Variants in RERE observed in about 807,000 individuals in gnomAD.
The protein encoded by RERE is arginine-glutamic acid dipeptide repeats protein.
A neutral mutation model predicts 146.1 loss-of-function variants in RERE; 40 were observed. The ratio of observed to expected loss-of-function variants is 0.27; its 90% CI spans 0.21 to 0.36. RERE has a LOEUF of 0.36. Among genes scored for constraint, RERE ranks in the 10% least tolerant of loss-of-function variants. The probability of loss-of-function intolerance (pLI) is 1.00; values close to 1 mark genes in which losing one functional copy is unlikely to be tolerated. For missense variants in RERE, 1,933 were observed against 2,138.7 expected, an observed-to-expected ratio of 0.90 and a Z score of 1.90; for synonymous variants, 1,003 against 866.0, an observed-to-expected ratio of 1.16 and a Z score of -2.78.
intron 4 of RERE, among the ~76,000 whole-genome samples, chr1:8,598,861 C>A (rs966442652): frequency 6.6e-6 from 1 of 152,224 alleles, no homozygotes; most frequent in Non-Finnish European, 1.5e-5. Context: ...ACCAAAAAAT[C>A]TTTCATGAAC....
At chr1:8,727,629 G>A (rs970620439) in intron 1 of RERE, among the ~76,000 whole-genome samples, 4 of 152,148 alleles carry the variant, frequency 2.6e-5, no homozygotes, top group Admixed American at 2.0e-4. Flanking sequence ...AAGTAACTGG[G>A]ACTACAGGCA....
At chr1:8,421,682 T>TA (rs1432980468) in intron 12 of RERE, among the ~76,000 whole-genome samples, 1 of 152,148 alleles carries the variant, frequency 6.6e-6, no homozygotes, top group Non-Finnish European at 1.5e-5. Context: ...AAGACAGAAT[T>TA]AAACAAGAGG....
intron 6 of RERE, among the ~76,000 whole-genome samples, chr1:8,548,613 A>G (rs1482611286): frequency 6.6e-6 from 1 of 152,228 alleles, no homozygotes; most frequent in Non-Finnish European, 1.5e-5. Flanking sequence ...AACAAAAACA[A>G]GTAAGTATAT....
In RERE at chr1:8,584,386, A is replaced by C. The variant is rs927173878; in HGVS notation, c.523-26863T>G. 8.9e-4 allele frequency among the ~76,000 whole-genome samples: 135 copies of C among 152,216 alleles called. 1 individual carries two copies. The highest frequency in any genetic ancestry group is 3.2e-3 in the African/African-American group (132 of 41,520). On this transcript the variant is annotated intron_variant, in intron 4 of 22. Transcript: ENST00000400908. ...AGAGCAAGACCCTATCTCAACGAAA[A>C]ATAAAAAAAAATTATCTGGGCATGA... is the stretch of plus-strand genomic sequence containing the variant.
intron 4 of RERE, among the ~76,000 whole-genome samples, chr1:8,574,438 G>A (rs532228122): frequency 6.2e-4 from 87 of 140,930 alleles, no homozygotes; most frequent in African/African-American, 1.9e-3. Context: ...TCCGCCTCTC[G>A]GGTTCATGCC....
At position 8,571,810 on chromosome 1, in the gene RERE, G is replaced by T. The variant is rs922511683; in HGVS notation, c.523-14287C>A. Among the ~76,000 whole-genome samples, 66 of 152,308 alleles carry T rather than the reference G, an allele frequency of 4.3e-4. 1 individual carries two copies. The highest frequency in any genetic ancestry group is 2.5e-3 in the Admixed American group (39 of 15,302). ...GCTGGAGAGGAGAAATGGAAAGCAG[G>T]AAATGAGAAGCCTTAGTTAATCTCC... is the stretch of plus-strand genomic sequence containing the variant. On this transcript the variant is annotated intron_variant, in intron 4 of 22. Coordinates refer to ENST00000400908, the MANE Select transcript of RERE (RefSeq NM_001042681.2).
chr1:8,475,191 C>G (rs1319851611), intron 10 of RERE, among the ~76,000 whole-genome samples: 1 of 145,340 alleles, frequency 6.9e-6, no homozygotes, highest in Non-Finnish European at 1.5e-5. Context: ...CTGGCCAACA[C>G]GGTGAAACCC....
intron 6 of RERE, among the ~76,000 whole-genome samples, chr1:8,544,422 CG>C (rs2124397643): frequency 6.6e-6 from 1 of 151,974 alleles, no homozygotes; most frequent in East Asian, 1.9e-4. Flanking sequence ...ATAAACAAAT[CG>C]TATATATGTA....
At chr1:8,466,529 C>G (rs1644599531) in intron 10 of RERE, among the ~76,000 whole-genome samples, 1 of 152,160 alleles carries the variant, frequency 6.6e-6, no homozygotes, top group South Asian at 2.1e-4. Flanking sequence ...AGGACCCCTA[C>G]TCTTGCCTCA....
At chr1:8,478,843 T>C (rs1053242894) in intron 10 of RERE, among the ~76,000 whole-genome samples, 2 of 152,200 alleles carry the variant, frequency 1.3e-5, no homozygotes, top group Non-Finnish European at 2.9e-5. Context: ...TGGTGCAGGC[T>C]GGACCCAGAG....
chr1:8,644,209 G>A (rs985064533), intron 2 of RERE, among the ~76,000 whole-genome samples: 7 of 152,116 alleles, frequency 4.6e-5, no homozygotes, highest in African/African-American at 7.2e-5. Context: ...CCAGGTTTCT[G>A]TCTTTTTTTA....
At chr1:8,465,140 AAG>A (rs762031578) in intron 11 of RERE, 1 of 152,806 alleles carries the variant, frequency 6.5e-6, no homozygotes, top group Non-Finnish European at 1.5e-5. Flanking sequence ...AGAAATCCGT[AAG>A]TCGTTTACAG....
chr1:8,798,039 G>A (rs913318861), intron 1 of RERE, among the ~76,000 whole-genome samples: 6 of 152,128 alleles, frequency 3.9e-5, no homozygotes, highest in African/African-American at 1.2e-4. Flanking sequence ...TGGGAGGATC[G>A]ATTGAGGCCA....
chr1:8,490,312 G>A (rs1417035944), intron 10 of RERE, among the ~76,000 whole-genome samples: 3 of 138,558 alleles, frequency 2.2e-5, no homozygotes, highest in East Asian at 2.1e-4. Context: ...AGCCGAGATC[G>A]CACCACTGCA....
At chr1:8,783,314 AAC>A (rs1641201397) in intron 1 of RERE, among the ~76,000 whole-genome samples, 1 of 152,214 alleles carries the variant, frequency 6.6e-6, no homozygotes. Context: ...CAGCCTGGGC[AAC>A]AGAGTGAGAT....
chr1:8,374,537 C>T (rs1260274498), intron 12 of RERE, among the ~76,000 whole-genome samples: 3 of 152,152 alleles, frequency 2.0e-5, no homozygotes, highest in African/African-American at 7.2e-5. Flanking sequence ...CCCACACCTC[C>T]ACTCAGACGT....
At chr1:8,467,876 C>T (rs1644623440) in intron 10 of RERE, among the ~76,000 whole-genome samples, 1 of 152,174 alleles carries the variant, frequency 6.6e-6, no homozygotes, top group Non-Finnish European at 1.5e-5. Context: ...GATCTCTTGA[C>T]CTCGTGATCC....
intron 10 of RERE, among the ~76,000 whole-genome samples, chr1:8,490,198 GA>G (rs1288194916): frequency 7.0e-6 from 1 of 143,808 alleles, no homozygotes; most frequent in Non-Finnish European, 1.5e-5. Flanking sequence ...CTGTCTCTAC[GA>G]AAAATACAAA....
chr1:8,414,510 C>T (rs966454482), intron 12 of RERE, among the ~76,000 whole-genome samples: 8 of 151,050 alleles, frequency 5.3e-5, no homozygotes, highest in South Asian at 2.1e-4. Flanking sequence ...GAGCTGAGAT[C>T]GCGCCACTGC....
Sources: allele counts gnomAD v4.1 joint callset (sites outside exome capture counted in the v4.1 genomes callset), GRCh38; gene constraint gnomAD v4.1.1; transcripts MANE v1.5; gene names NCBI Gene and HGNC (gene_info 2026-07-23, HGNC 2026-07-21).